The following HMOX2 variants were observed in gnomAD, a reference collection of about 807,000 sequenced individuals.
The protein encoded by HMOX2 is heme oxygenase 2.
HMOX2 carries 30 observed loss-of-function variants against 33.7 expected under a neutral mutation model. The observed-to-expected ratio is 0.89, with a 90% CI of 0.67 to 1.21. The LOEUF (loss-of-function observed/expected upper bound fraction) is 1.21, where lower values mean the gene tolerates loss of function less well. Ranked by LOEUF, HMOX2 falls within the 50% of genes most tolerant of loss-of-function variation. The pLI is 0.00. For missense variants in HMOX2, 403 were observed against 399.1 expected, an observed-to-expected ratio of 1.01 and a Z score of -0.08; for synonymous variants, 155 against 155.0, an observed-to-expected ratio of 1.00 and a Z score of 0.00.
At chr16:4,489,073 A>G (rs1197180398) in intron 1 of HMOX2, among the ~76,000 whole-genome samples, 1 of 152,058 alleles carries the variant, frequency 6.6e-6, no homozygotes, top group Non-Finnish European at 1.5e-5. Context: ...AGGAGGGGGC[A>G]AGTAACACAG....
At chr16:4,490,299 A>G (rs1420014257) in intron 1 of HMOX2, among the ~76,000 whole-genome samples, 2 of 152,158 alleles carry the variant, frequency 1.3e-5, no homozygotes, top group East Asian at 3.8e-4. Flanking sequence ...AGGGTATGGG[A>G]GGCCCACAGC....
chr16:4,484,906 GAAA>G (rs1326145946), intron 1 of HMOX2, among the ~76,000 whole-genome samples: 1 of 150,664 alleles, frequency 6.6e-6, no homozygotes, highest in Admixed American at 6.6e-5. Context: ...ATCATGACAA[GAAA>G]AAAAATCTGT....
rs576788137 is a variant in HMOX2 at position 4,506,889 on chromosome 16, C to T, written c.87-6C>T. On this transcript the variant is annotated splice_polypyrimidine_tract_variant and splice_region_variant and intron_variant, in intron 2 of 5. Coordinates refer to ENST00000570646, the MANE Select transcript of HMOX2 (RefSeq NM_002134.4). The stretch of plus-strand genomic sequence containing the variant: ...TGACACACAAACACCTCCCATCTCT[C>T]CACAGAATGGCTGACCTCTCGGAGC... 9 of 1,606,082 alleles carry T rather than the reference C, an allele frequency of 5.6e-6. No homozygotes were observed. Among genetic ancestry groups the T allele is most frequent in the Non-Finnish European group, 7.7e-6 (9 of 1,172,888 alleles).
intron 1 of HMOX2, chr16:4,495,435 G>C (rs1040877412): frequency 6.6e-6 from 1 of 152,282 alleles, no homozygotes; most frequent in Non-Finnish European, 1.5e-5. Context: ...ACTGGTTCTT[G>C]GTCTGGGCTT....
intron 1 of HMOX2, chr16:4,482,016 A>G (rs557817965): frequency 2.6e-5 from 4 of 152,360 alleles, no homozygotes; most frequent in Admixed American, 2.6e-4. Context: ...CCTAGAAGAC[A>G]TTAAACCTTT....
At chr16:4,501,627 G>A (rs1249455671) in intron 1 of HMOX2, among the ~76,000 whole-genome samples, 2 of 152,140 alleles carry the variant, frequency 1.3e-5, no homozygotes, top group Non-Finnish European at 2.9e-5. Flanking sequence ...AGACATTGAA[G>A]TCTAAAAAGG....
At chr16:4,492,990 G>T (rs993759074) in intron 1 of HMOX2, among the ~76,000 whole-genome samples, 1 of 152,062 alleles carries the variant, frequency 6.6e-6, no homozygotes, top group Non-Finnish European at 1.5e-5. Flanking sequence ...GAAATATTAG[G>T]GGACATTTGT....
At chr16:4,505,235 C>T (rs1815387148) in intron 1 of HMOX2, among the ~76,000 whole-genome samples, 1 of 152,126 alleles carries the variant, frequency 6.6e-6, no homozygotes, top group Admixed American at 6.5e-5. Flanking sequence ...AATCGCAGTA[C>T]AATTATTTTT....
At chr16:4,487,025 C>T (rs1306757883) in intron 1 of HMOX2, among the ~76,000 whole-genome samples, 1 of 152,032 alleles carries the variant, frequency 6.6e-6, no homozygotes, top group African/African-American at 2.4e-5. Context: ...TTTGGGAGGC[C>T]AAAGAAAGAT....
At chr16:4,509,026 C>T (rs928552034) in intron 4 of HMOX2, among the ~76,000 whole-genome samples, 1 of 152,226 alleles carries the variant, frequency 6.6e-6, no homozygotes, top group Non-Finnish European at 1.5e-5. Context: ...AGCTCACCTG[C>T]TCCAGCTCAC....
At chr16:4,507,037 G>A in intron 3 of HMOX2, 25 bp downstream of exon 3, 1 of 1,472,660 alleles carries the variant, frequency 6.8e-7, no homozygotes. Flanking sequence ...TTGGGTTCCA[G>A]ACTGTCATAT....
At chr16:4,507,114 G>A (rs2058713495) in intron 3 of HMOX2, 102 bp downstream of exon 3, 1 of 769,764 alleles carries the variant, frequency 1.3e-6, no homozygotes, top group Middle Eastern at 3.0e-4. Flanking sequence ...GGGAAAAGCT[G>A]GGCTTTTCTC....
At chr16:4,479,027 T>A (rs13335503) in intron 1 of HMOX2, among the ~76,000 whole-genome samples, 2 of 151,962 alleles carry the variant, frequency 1.3e-5, no homozygotes, top group African/African-American at 2.4e-5. Flanking sequence ...AAAAGTAGCC[T>A]GTAATCCCAG....
At chr16:4,482,684 C>G (rs909781758) in intron 1 of HMOX2, among the ~76,000 whole-genome samples, 1 of 152,122 alleles carries the variant, frequency 6.6e-6, no homozygotes, top group Admixed American at 6.6e-5. Context: ...TCACAGAACT[C>G]AGGAAAACAC....
intron 1 of HMOX2, among the ~76,000 whole-genome samples, chr16:4,498,093 G>C (rs1361174764): frequency 8.0e-6 from 1 of 125,260 alleles, no homozygotes; most frequent in Non-Finnish European, 1.6e-5. Context: ...TTGAGACACA[G>C]TCTTGCTCTG....
intron 1 of HMOX2, among the ~76,000 whole-genome samples, chr16:4,503,737 T>A (rs1436166625): frequency 6.6e-6 from 1 of 152,172 alleles, no homozygotes; most frequent in Non-Finnish European, 1.5e-5. Context: ...TACTATAATA[T>A]CCTAAAAGAT....
chr16:4,500,518 C>T (rs533915326), intron 1 of HMOX2, among the ~76,000 whole-genome samples: 9 of 152,278 alleles, frequency 5.9e-5, no homozygotes, highest in South Asian at 4.1e-4. Context: ...TGCTTACTCT[C>T]GGTGCTGGCT....
At chr16:4,508,736 C>T (rs1461976609) in intron 4 of HMOX2, among the ~76,000 whole-genome samples, 1 of 152,126 alleles carries the variant, frequency 6.6e-6, no homozygotes, top group Non-Finnish European at 1.5e-5. Context: ...CTCCCATGTT[C>T]CAGGTTTTCT....
chr16:4,491,077 T>C (rs1050131607), intron 1 of HMOX2, among the ~76,000 whole-genome samples: 5 of 152,248 alleles, frequency 3.3e-5, no homozygotes, highest in Non-Finnish European at 7.3e-5. Context: ...AACATGTTCC[T>C]TGGGGGACAA....
Sources: gnomAD v4.1 joint callset for allele counts (sites outside exome capture counted in the v4.1 genomes callset) on GRCh38, gnomAD v4.1.1 for gene constraint, MANE v1.5 for transcripts, NCBI Gene and HGNC (gene_info 2026-07-23, HGNC 2026-07-21) for gene names.